MIB2: variants seen among roughly 807,000 people sequenced by gnomAD.
MIB2 encodes the protein MIB E3 ubiquitin protein ligase 2.
In MIB2, 78 loss-of-function variants were observed where a neutral mutation model predicts 96.6. That is an observed-to-expected ratio of 0.81 (90% confidence interval 0.67 to 0.97). The LOEUF is 0.97. MIB2 is among the 50% of genes least tolerant of loss of function. The pLI is 0.00. For synonymous variants in MIB2, 820 were observed against 629.5 expected, an observed-to-expected ratio of 1.30 and a Z score of -4.53; for missense variants, 1,543 against 1,424.0, an observed-to-expected ratio of 1.08 and a Z score of -1.35.
chr1:1,623,766 A>G lies in MIB2; in HGVS notation c.248-8A>G, dbSNP rs370948867. ...GGGAACGCCCCTCTGACCCCACCCC[A>G]CCCCCAGGCGTCCGGCACCCCAACA... is the stretch of plus-strand genomic sequence containing the variant. On this transcript the variant is annotated splice_region_variant and splice_polypyrimidine_tract_variant and intron_variant, in intron 3 of 19. Transcript: ENST00000355826. 7.1e-5 allele frequency: 112 copies of G among 1,569,746 alleles called. No homozygotes were observed. In the African/African-American group the frequency reaches 7.7e-4, roughly 11 times the overall value.
At position 1,625,474 on chromosome 1, in the gene MIB2, C is replaced by A. The variant is rs1428656566; in HGVS notation, c.864+46C>A. 16 of 1,554,444 alleles carry A rather than the reference C, an allele frequency of 1.0e-5. No individual in the cohort carries two copies. The South Asian group carries it at 1.3e-4, about 13-fold the overall frequency. ...GCCCTGTGTGCCCTGCCCTCCCAGCCCTCCGCCCCCTCAGCCCCTTCCTCC... is the reference window on the plus strand; with the variant it reads ...GCCCTGTGTGCCCTGCCCTCCCAGCACTCCGCCCCCTCAGCCCCTTCCTCC... On this transcript the variant is annotated intron_variant, in intron 7 of 19. Coordinates refer to ENST00000355826, the MANE Select transcript of MIB2 (RefSeq NM_001170687.4). The surrounding 1 kb of genome is among the most constrained non-coding windows in gnomAD (Gnocchi z 5.0).
intron 2 of MIB2, among the ~76,000 whole-genome samples, chr1:1,621,503 CGGCAGCGTCACCCGACAGGTGAGGGA>C (rs530684896): frequency 0.026 from 3,934 of 152,318 alleles, 132 homozygotes; most frequent in African/African-American, 0.072. Flanking sequence ...GTGCACATCT[CGGCAGCGTCACCCGACAGGTGAGGGA>C]GGCAGCGTCA....
Position 1,625,699 on chromosome 1 carries a change from C to G in MIB2, c.972+46C>G. The G allele has an allele frequency of 6.8e-7, 1 of 1,480,018 alleles. No homozygotes were observed. 91.7% of individuals were successfully genotyped at this position (1,480,018 alleles called of 1,614,324 possible). On this transcript the variant is annotated intron_variant, in intron 8 of 19. Transcript: ENST00000355826. The surrounding 1 kb of genome is among the most constrained non-coding windows in gnomAD (Gnocchi z 5.0). ...CGCCTCATCTGCTTGCTTCTGTAAC[C>G]CCTTCCACGTACCCCCTTGGCCTTG...
chr1:1,614,568 G>A (rs538031808), upstream of MIB2: 1 of 152,350 alleles, frequency 6.6e-6, no homozygotes, highest in South Asian at 2.1e-4. Context: ...AACCCCCTGC[G>A]ATTCCCAGAT....
At position 1,629,573 on chromosome 1, in the gene MIB2, G is replaced by T. The variant is rs1215023826; in HGVS notation, c.2563+7G>T. The T allele has an allele frequency of 1.4e-6, 1 of 709,230 alleles. No individual in the cohort carries two copies. The highest frequency in any genetic ancestry group is 2.2e-6 in the Non-Finnish European group (1 of 450,120). The allele number at this position is 709,230 out of a possible 1,614,324, so 43.9% of individuals were successfully genotyped here. A position where few individuals can be genotyped will look rare whatever the true frequency, so the allele number is the denominator to read the frequency against. On this transcript the variant is annotated splice_region_variant and intron_variant, in intron 18 of 19. Coordinates refer to ENST00000355826, the MANE Select transcript of MIB2 (RefSeq NM_001170687.4). ...CACCGCACCGTGTGTGAGGGTGAGT[G>T]GGGGGCCCCGGGGTGGGGAGGCCCG... is the stretch of plus-strand genomic sequence containing the variant.
At position 1,629,329 on chromosome 1, in the gene MIB2, G is replaced by A; in HGVS notation, c.2381+18G>A. 1 of 1,466,378 alleles carries A rather than the reference G, an allele frequency of 6.8e-7. No homozygotes were observed. Among genetic ancestry groups the A allele is most frequent in the South Asian group, 1.4e-5 (1 of 71,066 alleles). 90.8% of individuals were successfully genotyped at this position (1,466,378 alleles called of 1,614,324 possible). ...CGCTTCCGGTGAGTCCGTGGACGGC[G>A]GGGATGGGGTCCGGCGGCCTCCGGG... On this transcript the variant is annotated intron_variant, in intron 17 of 19. Transcript: ENST00000355826.
chr1:1,614,705 G>C (rs1205613172), upstream of MIB2: 1 of 152,312 alleles, frequency 6.6e-6, no homozygotes, highest in Non-Finnish European at 1.5e-5. Flanking sequence ...TTCTCCGGAA[G>C]TACGCAATGT....
At chr1:1,621,888 C>G (rs1345811830) in intron 2 of MIB2, among the ~76,000 whole-genome samples, 2 of 152,262 alleles carry the variant, frequency 1.3e-5, no homozygotes, top group African/African-American at 2.4e-5. Context: ...CTCACCGGGC[C>G]TTGCTCGGGG....
At chr1:1,624,675 G>C in intron 4 of MIB2, 120 bp from the exon 5 acceptor site, 2 of 925,432 alleles carry the variant, frequency 2.2e-6, no homozygotes, top group Non-Finnish European at 3.4e-6. Context: ...CTGGGGCTGC[G>C]GAGCCCAGCA....
Position 1,626,625 on chromosome 1 carries a change from C to T in MIB2, c.973-25C>T, listed in dbSNP as rs1018835839. On this transcript the variant is annotated intron_variant, in intron 8 of 19. Transcript: ENST00000355826. The surrounding 1 kb of genome is among the most constrained non-coding windows in gnomAD (Gnocchi z 5.3). Reference sequence around the variant, plus strand: ...GGCAGCCACACACAGCTGGGGGGCCCCTCACGCCCCTCTTTGTCGCTCAGC... The same window carrying T: ...GGCAGCCACACACAGCTGGGGGGCCTCTCACGCCCCTCTTTGTCGCTCAGC... The T allele has an allele frequency of 2.0e-5, 30 of 1,517,886 alleles. No individual in the cohort carries two copies. The highest frequency in any genetic ancestry group is 2.6e-5 in the Non-Finnish European group (30 of 1,133,522). The allele number at this position is 1,517,886 out of a possible 1,614,324, so 94.0% of individuals were successfully genotyped here.
intron 2 of MIB2, among the ~76,000 whole-genome samples, chr1:1,621,893 T>C (rs1433191768): frequency 6.6e-6 from 1 of 152,226 alleles, no homozygotes; most frequent in Non-Finnish European, 1.5e-5. Flanking sequence ...CGGGCCTTGC[T>C]CGGGGGACAA....
In MIB2 at chr1:1,625,231, G is replaced by T; in HGVS notation, c.721+46G>T. On this transcript the variant is annotated intron_variant, in intron 6 of 19. Transcript: ENST00000355826. The surrounding 1 kb of genome is among the most constrained non-coding windows in gnomAD (Gnocchi z 5.0). ...CTCCATCAGCCCTCCTGCCTTGGCT[G>T]AAGTCCCAGAGGGGAGGGGCCGCTG... is the stretch of plus-strand genomic sequence containing the variant. The T allele has an allele frequency of 1.2e-6, 2 of 1,602,172 alleles. No homozygotes were observed. The highest frequency in any genetic ancestry group is 1.7e-6 in the Non-Finnish European group (2 of 1,174,636).
chr1:1,616,650 A>C (rs1336762678), intron 2 of MIB2, 36 bp downstream of exon 2: 1 of 1,517,700 alleles, frequency 6.6e-7, no homozygotes, highest in Non-Finnish European at 8.9e-7. Flanking sequence ...GATAGTTTGC[A>C]CTTGGCTCTC....
At chr1:1,623,070 T>C in intron 2 of MIB2, 1 of 400,164 alleles carries the variant, frequency 2.5e-6, no homozygotes, top group Non-Finnish European at 4.5e-6. Context: ...CTTACTTTAG[T>C]GAAGTCCAGT....
chr1:1,623,422 T>G lies in MIB2; in HGVS notation c.-22-9T>G, dbSNP rs972991134. 10 of 1,603,032 alleles carry G rather than the reference T, an allele frequency of 6.2e-6. No homozygotes were observed. The East Asian group carries it at 2.0e-4, about 33-fold the overall frequency. ...CAGCCCGGCCCACCATGGACCCCTC[T>G]GCCCACAGGTCCCGAGCAGCCCCGC... is the stretch of plus-strand genomic sequence containing the variant. On this transcript the variant is annotated splice_polypyrimidine_tract_variant and intron_variant, in intron 2 of 19. Coordinates refer to ENST00000355826, the MANE Select transcript of MIB2 (RefSeq NM_001170687.4).
At position 1,630,494 on chromosome 1, in the gene MIB2, C is replaced by T; in HGVS notation, c.2832C>T (p.Arg944=). 1 of 1,593,102 alleles carries T rather than the reference C, an allele frequency of 6.3e-7. No individual in the cohort carries two copies. ...GSALSACPIC[R]QPIRDRIQIF... is the part of the protein sequence containing the mutation. ...CGCTCAGCGCCTGCCCCATCTGCCGCCAGCCCATCCGCGACCGCATCCAGA... is the reference window on the plus strand; with the variant it reads ...CGCTCAGCGCCTGCCCCATCTGCCGTCAGCCCATCCGCGACCGCATCCAGA... Residue 944 remains arginine (R), a synonymous_variant, in exon 20 of 20, where the codon CGC becomes CGT. Coordinates refer to ENST00000355826, the MANE Select transcript of MIB2 (RefSeq NM_001170687.4).
At position 1,628,424 on chromosome 1, in the gene MIB2, C is replaced by G. The variant is rs558160842; in HGVS notation, c.1968+25C>G. 9 of 1,606,290 alleles carry G rather than the reference C, an allele frequency of 5.6e-6. No individual in the cohort carries two copies. In the African/African-American group the frequency reaches 1.1e-4, roughly 19 times the overall value. On this transcript the variant is annotated intron_variant, in intron 15 of 19. Coordinates refer to ENST00000355826, the MANE Select transcript of MIB2 (RefSeq NM_001170687.4). ...GGTGCGGACGCGGCCCAGTCCTGCCCAAGGACCGGGGAGCGGGAGGCCCAC... is the reference window on the plus strand; with the variant it reads ...GGTGCGGACGCGGCCCAGTCCTGCCGAAGGACCGGGGAGCGGGAGGCCCAC...
upstream of MIB2, chr1:1,615,333 T>A: frequency 7.2e-7 from 1 of 1,391,418 alleles, no homozygotes; most frequent in Non-Finnish European, 9.3e-7. Flanking sequence ...GGACCGCCAC[T>A]GCGCAGGCGC....
rs1178244143 is a variant in MIB2 at position 1,623,426 on chromosome 1, C to G, written c.-22-5C>G. ...CCGGCCCACCATGGACCCCTCTGCCCACAGGTCCCGAGCAGCCCCGCCCAA... is the reference window on the plus strand; with the variant it reads ...CCGGCCCACCATGGACCCCTCTGCCGACAGGTCCCGAGCAGCCCCGCCCAA... On this transcript the variant is annotated splice_region_variant and splice_polypyrimidine_tract_variant and intron_variant, in intron 2 of 19. Transcript: ENST00000355826. 6.2e-7 allele frequency: 1 copy of G among 1,603,400 alleles called. No homozygotes were observed. The highest frequency in any genetic ancestry group is 1.7e-5 in the Admixed American group (1 of 59,372).
Sources: gnomAD v4.1 joint callset for allele counts (sites outside exome capture counted in the v4.1 genomes callset) on GRCh38, gnomAD v4.1.1 for gene constraint, Gnocchi (gnomAD v3.1) non-coding constraint, MANE v1.5 for transcripts, NCBI Gene and HGNC (gene_info 2026-07-23, HGNC 2026-07-21) for gene names.